WWOX: variants seen among roughly 807,000 people sequenced by gnomAD.
WWOX encodes WW domain containing oxidoreductase.
A neutral mutation model predicts 46.2 loss-of-function variants in WWOX; 69 were observed. The observed-to-expected ratio is 1.49, with a 90% CI of 1.23 to 1.82. The LOEUF (loss-of-function observed/expected upper bound fraction) is 1.82. WWOX is among the 40% of genes most tolerant of loss of function. WWOX has a pLI of 0.00. For missense variants in WWOX, 919 were observed against 542.6 expected, an observed-to-expected ratio of 1.69 and a Z score of -6.89; for synonymous variants, 359 against 202.6, an observed-to-expected ratio of 1.77 and a Z score of -6.56.
At chr16:78,666,672 A>G (rs969097825) in intron 8 of WWOX, among the ~76,000 whole-genome samples, 6 of 152,212 alleles carry the variant, frequency 3.9e-5, no homozygotes, top group East Asian at 1.9e-4. Flanking sequence ...GGGAAGGGCC[A>G]TCGTGCAGTA....
chr16:78,719,940 A>G (rs1293544044), intron 8 of WWOX, among the ~76,000 whole-genome samples: 1 of 152,204 alleles, frequency 6.6e-6, no homozygotes, highest in Non-Finnish European at 1.5e-5. Flanking sequence ...CGTTTTCACC[A>G]AAGTGTTCTA....
intron 8 of WWOX, among the ~76,000 whole-genome samples, chr16:78,788,819 G>T (rs1030366252): frequency 6.6e-6 from 1 of 152,192 alleles, no homozygotes; most frequent in Non-Finnish European, 1.5e-5. Context: ...GGTATGGGGG[G>T]CAGTCTTGGG....
chr16:78,529,424 C>T (rs747962306), intron 8 of WWOX, among the ~76,000 whole-genome samples: 1 of 151,932 alleles, frequency 6.6e-6, no homozygotes, highest in African/African-American at 2.4e-5. Flanking sequence ...TTCTTTCTGT[C>T]GGGTCCCGTG....
chr16:78,209,364 C>G (rs2036487555), intron 5 of WWOX, among the ~76,000 whole-genome samples: 1 of 152,206 alleles, frequency 6.6e-6, no homozygotes, highest in Admixed American at 6.5e-5. Flanking sequence ...CCTGTTCCTT[C>G]TTCATCTAGC....
At chr16:78,945,508 A>G (rs575688576) in intron 8 of WWOX, among the ~76,000 whole-genome samples, 20 of 152,238 alleles carry the variant, frequency 1.3e-4, no homozygotes, top group African/African-American at 3.4e-4. Context: ...ATTTTTGTAA[A>G]TCTCTTCTGT....
At chr16:78,660,195 A>G (rs565346580) in intron 8 of WWOX, among the ~76,000 whole-genome samples, 1 of 152,236 alleles carries the variant, frequency 6.6e-6, no homozygotes, top group East Asian at 1.9e-4. Context: ...ATTACAGGTT[A>G]TATAAAATAT....
chr16:78,460,033 C>T (rs1786946066), intron 8 of WWOX, among the ~76,000 whole-genome samples: 1 of 147,780 alleles, frequency 6.8e-6, no homozygotes, highest in Admixed American at 6.8e-5. Context: ...TGTTGAACTC[C>T]TGGGCTCAAG....
At chr16:78,369,503 A>G (rs1208276950) in intron 5 of WWOX, among the ~76,000 whole-genome samples, 1 of 152,206 alleles carries the variant, frequency 6.6e-6, no homozygotes, top group African/African-American at 2.4e-5. Flanking sequence ...CTCAGGCACA[A>G]CATGCAACCA....
chr16:78,797,272 C>G (rs1009093083), intron 8 of WWOX, among the ~76,000 whole-genome samples: 18 of 149,520 alleles, frequency 1.2e-4, no homozygotes, highest in Admixed American at 4.0e-4. Flanking sequence ...TCAGCCACCT[C>G]TGACCCAAAT....
chr16:78,560,253 C>A (rs1020878731), intron 8 of WWOX, among the ~76,000 whole-genome samples: 1 of 152,206 alleles, frequency 6.6e-6, no homozygotes, highest in African/African-American at 2.4e-5. Context: ...TGAAATCTTT[C>A]TTTCTTGCCT....
At chr16:78,462,723 C>T (rs1374847293) in intron 8 of WWOX, among the ~76,000 whole-genome samples, 1 of 152,222 alleles carries the variant, frequency 6.6e-6, no homozygotes, top group African/African-American at 2.4e-5. Context: ...TTAATACAAA[C>T]TGGCGTATGT....
intron 5 of WWOX, among the ~76,000 whole-genome samples, chr16:78,338,284 G>A (rs1227766194): frequency 8.2e-6 from 1 of 121,394 alleles, no homozygotes; most frequent in Non-Finnish European, 2.0e-5. Flanking sequence ...TGAGCAGGTG[G>A]AAATGTAGAC....
intron 8 of WWOX, among the ~76,000 whole-genome samples, chr16:78,656,676 T>G (rs973195686): frequency 1.3e-5 from 2 of 152,156 alleles, no homozygotes; most frequent in African/African-American, 4.8e-5. Flanking sequence ...TGCAGTTTGA[T>G]GTGAAATTTT....
At chr16:78,558,620 A>G (rs777329625) in intron 8 of WWOX, among the ~76,000 whole-genome samples, 21 of 152,168 alleles carry the variant, frequency 1.4e-4, no homozygotes, top group Admixed American at 2.6e-4. Flanking sequence ...ATGCTCATTC[A>G]TGAGCTTGCC....
At position 79,032,838 on chromosome 16, in the gene WWOX, G is replaced by A. The variant is rs553694525; in HGVS notation, c.1057-178770G>A. The stretch of plus-strand genomic sequence containing the variant: ...ATATAGGTAAACTGGCGTGATGGGG[G>A]TTTGTTGTACAGATGATTTCATCAC... On this transcript the variant is annotated intron_variant, in intron 8 of 8. Coordinates refer to ENST00000566780, the MANE Select transcript of WWOX (RefSeq NM_016373.4). Among the ~76,000 whole-genome samples the A allele has an allele frequency of 7.3e-3, 1,105 of 151,446 alleles. 21 individuals are homozygous for A. The highest frequency in any genetic ancestry group is 0.025 in the African/African-American group (1,049 of 41,322).
chr16:78,983,044 G>C (rs1161313519), intron 8 of WWOX, among the ~76,000 whole-genome samples: 4 of 152,150 alleles, frequency 2.6e-5, no homozygotes, highest in Non-Finnish European at 5.9e-5. Flanking sequence ...AGTATTTATT[G>C]TGGGTCTCCT....
At chr16:78,631,306 C>T (rs2151659351) in intron 8 of WWOX, among the ~76,000 whole-genome samples, 1 of 152,180 alleles carries the variant, frequency 6.6e-6, no homozygotes, top group Admixed American at 6.5e-5. Flanking sequence ...AAGGCCTCAC[C>T]ACATCAGAAT....
At chr16:79,188,873 A>G (rs150375930) in intron 8 of WWOX, among the ~76,000 whole-genome samples, 133 of 152,348 alleles carry the variant, frequency 8.7e-4, no homozygotes, top group African/African-American at 3.1e-3. Context: ...TGAAGGCATT[A>G]GTATTCACAC....
chr16:79,099,950 A>G (rs937800695), intron 8 of WWOX, among the ~76,000 whole-genome samples: 1 of 152,230 alleles, frequency 6.6e-6, no homozygotes, highest in Non-Finnish European at 1.5e-5. Context: ...AGAGAGGCAG[A>G]CAGGAACTCT....
Sources: allele counts gnomAD v4.1 joint callset (sites outside exome capture counted in the v4.1 genomes callset), GRCh38; gene constraint gnomAD v4.1.1; transcripts MANE v1.5; gene names NCBI Gene and HGNC (gene_info 2026-07-23, HGNC 2026-07-21).